The following EIF2B3 variants were observed in gnomAD, a reference collection of about 807,000 sequenced individuals.
EIF2B3 encodes the protein eukaryotic translation initiation factor 2B subunit gamma.
Under a neutral mutation model 54.1 loss-of-function variants are expected in EIF2B3, and 20 were observed. That is an observed-to-expected ratio of 0.37 (90% CI 0.26 to 0.54). The LOEUF (loss-of-function observed/expected upper bound fraction) is 0.54, where lower values mean the gene tolerates loss of function less well. EIF2B3 is among the 20% of genes least tolerant of loss of function. EIF2B3 has a pLI of 0.86. For synonymous variants in EIF2B3, 153 were observed against 188.1 expected, an observed-to-expected ratio of 0.81 and a Z score of 1.52; for missense variants, 448 against 547.8, an observed-to-expected ratio of 0.82 and a Z score of 1.82.
At chr1:44,955,748 A>G (rs1004420944) in intron 3 of EIF2B3, among the ~76,000 whole-genome samples, 1 of 152,248 alleles carries the variant, frequency 6.6e-6, no homozygotes, top group Non-Finnish European at 1.5e-5. Context: ...TGGCCAAGAA[A>G]CATATGAAAA....
At chr1:44,944,806 G>A (rs1343154801) in intron 3 of EIF2B3, among the ~76,000 whole-genome samples, 1 of 152,096 alleles carries the variant, frequency 6.6e-6, no homozygotes, top group Non-Finnish European at 1.5e-5. Context: ...TCCAGCCTGG[G>A]TGACAGAGTG....
At chr1:44,967,437 ACT>A (rs1644354583) in intron 3 of EIF2B3, among the ~76,000 whole-genome samples, 3 of 142,846 alleles carry the variant, frequency 2.1e-5, no homozygotes, top group South Asian at 4.4e-4. Flanking sequence ...ACAGAGCGAG[ACT>A]CTGTCTCAAA....
At position 44,942,426 on chromosome 1, in the gene EIF2B3, T is replaced by A. The variant is rs1234842393; in HGVS notation, c.295-761A>T. On this transcript the variant is annotated intron_variant, in intron 3 of 11. Transcript: ENST00000360403. Reference sequence around the variant, plus strand: ...ATATATATATATATATATTTTTTTTTTTTTTTTTTTTTTTTTTTCCAGACA... The same window carrying A: ...ATATATATATATATATATTTTTTTTATTTTTTTTTTTTTTTTTTCCAGACA... Among the ~76,000 whole-genome samples, 24 of 57,984 alleles carry A rather than the reference T, an allele frequency of 4.1e-4. 2 individuals carry two copies. The highest frequency in any genetic ancestry group is 1.7e-3 in the African/African-American group (21 of 12,340). 38.0% of individuals were successfully genotyped at this position (57,984 alleles called of 152,430 possible). A position where few individuals can be genotyped will look rare whatever the true frequency, so the allele number is the denominator to read the frequency against.
chr1:44,885,829 G>A (rs1655561540), intron 6 of EIF2B3, among the ~76,000 whole-genome samples: 1 of 151,568 alleles, frequency 6.6e-6, no homozygotes, highest in Non-Finnish European at 1.5e-5. Context: ...CCGCCTCCCA[G>A]GTTCAAGTGA....
chr1:44,940,952 T>C lies in EIF2B3; in HGVS notation c.454+554A>G, dbSNP rs868188132. 2.8e-4 allele frequency among the ~76,000 whole-genome samples: 43 copies of C among 151,172 alleles called. No homozygotes were observed. In the Middle Eastern group the frequency reaches 0.02, roughly 72 times the overall value. On this transcript the variant is annotated intron_variant, in intron 4 of 11. Transcript: ENST00000360403. ...CCTAGGCTGGAGTGCAGTGGCGTGA[T>C]CTCGGCTCACTGCAACCTCCCCTTC... is the stretch of plus-strand genomic sequence containing the variant.
At chr1:44,957,604 T>C (rs1411193457) in intron 3 of EIF2B3, among the ~76,000 whole-genome samples, 1 of 151,562 alleles carries the variant, frequency 6.6e-6, no homozygotes, top group African/African-American at 2.4e-5. Flanking sequence ...CTACTAAAAA[T>C]ACAAAAATCA....
At chr1:44,967,345 G>T (rs1644352992) in intron 3 of EIF2B3, among the ~76,000 whole-genome samples, 1 of 151,680 alleles carries the variant, frequency 6.6e-6, no homozygotes, top group South Asian at 2.1e-4. Flanking sequence ...TACTTGAGGG[G>T]CTGAGGCAGA....
intron 3 of EIF2B3, chr1:44,959,315 T>C: frequency 1.6e-6 from 1 of 625,298 alleles, no homozygotes; most frequent in Non-Finnish European, 3.0e-6. Context: ...AACAGCTTAT[T>C]TAGTTTTGCC....
intron 3 of EIF2B3, among the ~76,000 whole-genome samples, chr1:44,942,402 TATATATATA>T (rs1644038264): frequency 4.8e-5 from 1 of 20,932 alleles, no homozygotes; most frequent in African/African-American, 2.6e-4. Context: ...TATATATATA[TATATATATA>T]TATATATTTT....
intron 6 of EIF2B3, among the ~76,000 whole-genome samples, chr1:44,889,306 C>T (rs764601678): frequency 5.9e-5 from 9 of 152,194 alleles, no homozygotes; most frequent in South Asian, 2.1e-4. Flanking sequence ...GAGGCTGAAG[C>T]GGGTGGATCA....
intron 6 of EIF2B3, among the ~76,000 whole-genome samples, chr1:44,887,793 T>C (rs149213183): frequency 6.6e-6 from 1 of 152,156 alleles, no homozygotes; most frequent in Non-Finnish European, 1.5e-5. Flanking sequence ...TAATCCTGGC[T>C]ACTCGGGGGG....
chr1:44,943,018 G>C (rs1001364151), intron 3 of EIF2B3, among the ~76,000 whole-genome samples: 1 of 151,832 alleles, frequency 6.6e-6, no homozygotes, highest in Non-Finnish European at 1.5e-5. Flanking sequence ...ACCACGCCCG[G>C]CTAATTTTTT....
At chr1:44,919,578 T>C (rs973427540) in intron 5 of EIF2B3, among the ~76,000 whole-genome samples, 1 of 152,146 alleles carries the variant, frequency 6.6e-6, no homozygotes, top group Non-Finnish European at 1.5e-5. Flanking sequence ...AATATGATCA[T>C]CTTGAAGAAA....
intron 3 of EIF2B3, among the ~76,000 whole-genome samples, chr1:44,950,520 A>G (rs1644149271): frequency 6.6e-6 from 1 of 152,168 alleles, no homozygotes; most frequent in Admixed American, 6.5e-5. Flanking sequence ...AAAAGAAGAG[A>G]ACCTTTCGGG....
chr1:44,924,388 C>CT (rs1163537608), intron 5 of EIF2B3, among the ~76,000 whole-genome samples: 1 of 151,670 alleles, frequency 6.6e-6, no homozygotes, highest in Admixed American at 6.6e-5. Context: ...TAATTTAATC[C>CT]TTTTTTTGTT....
chr1:44,926,544 C>A (rs1351572112), intron 5 of EIF2B3, 84 bp downstream of exon 5: 10 of 1,078,308 alleles, frequency 9.3e-6, no homozygotes, highest in Admixed American at 7.0e-5. Context: ...GTCTAGTTTT[C>A]ATTCCCTCTT....
intron 10 of EIF2B3, among the ~76,000 whole-genome samples, chr1:44,871,780 T>C (rs1273013893): frequency 6.6e-6 from 1 of 152,068 alleles, no homozygotes; most frequent in Non-Finnish European, 1.5e-5. Context: ...AATAGGGTAG[T>C]TGGGGAAGGT....
At chr1:44,944,312 C>T (rs1644072883) in intron 3 of EIF2B3, among the ~76,000 whole-genome samples, 1 of 152,024 alleles carries the variant, frequency 6.6e-6, no homozygotes, top group Non-Finnish European at 1.5e-5. Context: ...TAAGCTTTGT[C>T]TTGGAAAACC....
intron 6 of EIF2B3, among the ~76,000 whole-genome samples, chr1:44,892,131 A>C (rs548573318): frequency 6.6e-6 from 1 of 152,264 alleles, no homozygotes; most frequent in African/African-American, 2.4e-5. Flanking sequence ...ATTGAAAGTC[A>C]CTCCACATCT....
Sources: gnomAD v4.1 joint callset for allele counts (sites outside exome capture counted in the v4.1 genomes callset) on GRCh38, gnomAD v4.1.1 for gene constraint, MANE v1.5 for transcripts, NCBI Gene and HGNC (gene_info 2026-07-23, HGNC 2026-07-21) for gene names.